COG1: variants seen among roughly 807,000 people sequenced by gnomAD.
The protein encoded by COG1 is component of oligomeric golgi complex 1.
COG1 carries 61 observed loss-of-function variants against 102.2 expected under a neutral mutation model. The observed-to-expected ratio is 0.60, with a 90% CI of 0.49 to 0.74. The LOEUF (loss-of-function observed/expected upper bound fraction) is 0.74, where lower values mean the gene tolerates loss of function less well. COG1 is among the 30% of genes least tolerant of loss of function. The pLI, the probability that COG1 is intolerant of heterozygous loss-of-function variation, is 0.00. For synonymous variants in COG1, 454 were observed against 493.6 expected (o/e 0.92, Z 1.06); for missense variants, 1,164 against 1,232.1 (o/e 0.94, Z 0.83).
chr17:73,200,668 CA>C lies in COG1; in HGVS notation c.1175del (p.Asn392MetfsTer26). 1.9e-6 allele frequency: 3 copies of C among 1,614,120 alleles called. No individual in the cohort carries two copies. Among genetic ancestry groups the C allele is most frequent in the Non-Finnish European group, 2.5e-6 (3 of 1,180,000 alleles). The part of the protein sequence containing the change: ...IRDAMWELLT[N>X]ESTNHSWDVL... Reference sequence around the variant, plus strand: ...GGGACGCCATGTGGGAGTTACTTACCAATGAGTCCACCAATCACAGCTGGGA... The same window carrying C: ...GGGACGCCATGTGGGAGTTACTTACCATGAGTCCACCAATCACAGCTGGGA... On this transcript the variant is annotated frameshift_variant, in exon 6 of 14. Coordinates refer to ENST00000299886, the MANE Select transcript of COG1 (RefSeq NM_018714.3). LOFTEE classifies it high-confidence loss of function.
rs2061348502 is a variant in COG1, at chr17:73,201,866, T to C, written c.2039T>C (p.Met680Thr). 1 of 1,614,214 alleles carries C rather than the reference T, an allele frequency of 6.2e-7. No individual in the cohort carries two copies. The highest frequency in any genetic ancestry group is 1.3e-5 in the African/African-American group (1 of 75,070). The change falls in exon 7 of 14, where the codon ATG (methionine) becomes ACG (threonine). Residue 680 changes from methionine (M) to threonine (T), a missense_variant. Transcript: ENST00000299886. ...GAAGTACTCCTCCAGCAGAGCGTGA[T>C]GGGCTACCAGGTCTGGAGCAGTGCA... is the stretch of plus-strand genomic sequence containing the variant. The part of the protein sequence containing the change: ...VKEVLLQQSV[M>T]GYQVWSSAVV...
intron 4 of COG1, among the ~76,000 whole-genome samples, chr17:73,197,826 G>C (rs1046918482): frequency 2.6e-5 from 4 of 152,212 alleles, no homozygotes; most frequent in African/African-American, 9.6e-5. Flanking sequence ...AGCCAGTGAG[G>C]CATTGGGTGA....
intron 5 of COG1, 52 bp downstream of exon 5, chr17:73,200,073 C>T: frequency 6.4e-7 from 1 of 1,571,522 alleles, no homozygotes; most frequent in Non-Finnish European, 8.7e-7. Context: ...ACCCATGCAG[C>T]CTTGTACGGG....
chr17:73,205,997 G>A (rs2061369744), intron 10 of COG1, 157 bp from the exon 11 acceptor site: 1 of 725,126 alleles, frequency 1.4e-6, no homozygotes, highest in Non-Finnish European at 2.4e-6. Flanking sequence ...CATCATGCTT[G>A]AGGGTGACTT....
In COG1 at chr17:73,199,869, G is replaced by A. The variant is rs766581270; in HGVS notation, c.918G>A (p.Lys306=). 2 of 1,614,160 alleles carry A rather than the reference G, an allele frequency of 1.2e-6. No homozygotes were observed. The highest frequency in any genetic ancestry group is 1.1e-5 in the South Asian group (1 of 91,078). ...CTCACTTGGCCTTCTCTTTAGGAAA[G>A]GGCACTGGTGTCCTGCAGGAAGAGA... ...ETITGQHPAG[K]GTGVLQEEMK... The change falls in exon 5 of 14, where the codon AAG becomes AAA. Residue 306 remains lysine, a synonymous_variant. Transcript: ENST00000299886.
intron 12 of COG1, 65 bp from the exon 13 acceptor site, chr17:73,207,116 G>GAAAAAAAAAAAA: frequency 1.2e-6 from 1 of 837,730 alleles, no homozygotes; most frequent in Non-Finnish European, 1.8e-6. Context: ...AAAAAAAAAT[G>GAAAAAAAAAAAA]AGGCTTCTGC....
At chr17:73,206,996 G>A in intron 12 of COG1, 179 bp downstream of exon 12, 1 of 705,760 alleles carries the variant, frequency 1.4e-6, no homozygotes, top group South Asian at 1.7e-5. Context: ...AGGAGGCTGA[G>A]GCAGGAGAAT....
At position 73,200,764 on chromosome 17, in the gene COG1, T is replaced by G; in HGVS notation, c.1269T>G (p.Leu423=). The G allele has an allele frequency of 6.2e-7, 1 of 1,614,084 alleles. No homozygotes were observed. Among genetic ancestry groups the G allele is most frequent in the Non-Finnish European group, 8.5e-7 (1 of 1,179,950 alleles). ...AAGATATGATGCAGCAACTGTTCCTTGACCGATTACAGGTGAGCTGGACAG... is the reference window on the plus strand; with the variant it reads ...AAGATATGATGCAGCAACTGTTCCTGGACCGATTACAGGTGAGCTGGACAG... ...FWEDMMQQLF[L]DRLQTLTKEG... is the part of the protein sequence containing the mutation. Residue 423 remains leucine (L), a synonymous_variant, in exon 6 of 14, where the codon CTT becomes CTG. Transcript: ENST00000299886.
Position 73,205,672 on chromosome 17 carries a change from A to G in COG1, c.2502A>G (p.Pro834=). The change falls in exon 10 of 14, where the codon CCA becomes CCG. Residue 834 remains proline (P), a synonymous_variant. Coordinates refer to ENST00000299886, the MANE Select transcript of COG1 (RefSeq NM_018714.3). The part of the protein sequence containing the change: ...GDEVKSGRSK[P]DSRIEKVTDH... ...AGGTGAAGAGTGGCCGGAGCAAGCC[A>G]GACTCCAGGTGTCGTATCCTCTAGG... The G allele has an allele frequency of 1.2e-6, 2 of 1,613,818 alleles. No homozygotes were observed. The highest frequency in any genetic ancestry group is 1.7e-6 in the Non-Finnish European group (2 of 1,180,022).
At chr17:73,205,423 C>A (rs1390904207) in intron 9 of COG1, 130 bp from the exon 10 acceptor site, 2 of 926,906 alleles carry the variant, frequency 2.2e-6, no homozygotes, top group Non-Finnish European at 3.5e-6. Flanking sequence ...ATTAAACTGG[C>A]CATATGAGCA....
chr17:73,208,259 T>C, intron 13 of COG1, 55 bp from the exon 14 acceptor site: 1 of 1,610,976 alleles, frequency 6.2e-7, no homozygotes, highest in Non-Finnish European at 8.5e-7. Flanking sequence ...GGAGGGCGAG[T>C]GGGCAGGAGG....
At chr17:73,203,591 T>C (rs1334193408) in intron 8 of COG1, 41 bp from the exon 9 acceptor site, 23 of 1,610,878 alleles carry the variant, frequency 1.4e-5, no homozygotes, top group Non-Finnish European at 2.0e-5. Flanking sequence ...TGTCATTTAA[T>C]TGGTGCAAGT....
chr17:73,196,839 C>T (rs1414547868), intron 2 of COG1, 61 bp from the exon 3 acceptor site: 8 of 1,613,382 alleles, frequency 5.0e-6, no homozygotes, highest in East Asian at 4.5e-5. Context: ...TCCTGATGTA[C>T]CAAAGCTCTT....
chr17:73,208,484 T>C lies in COG1; in HGVS notation c.*33T>C. Reference sequence around the variant, plus strand: ...ACACATCTGTCTCTCCCTAAATAAATACTACCACATTATTTCTTCTAAAGG... The same window carrying C: ...ACACATCTGTCTCTCCCTAAATAAACACTACCACATTATTTCTTCTAAAGG... On this transcript the variant is annotated 3_prime_UTR_variant, in exon 14 of 14. Transcript: ENST00000299886. 3 of 1,607,448 alleles carry C rather than the reference T, an allele frequency of 1.9e-6. No homozygotes were observed. Among genetic ancestry groups the C allele is most frequent in the African/African-American group, 1.3e-5 (1 of 74,916 alleles).
chr17:73,205,220 G>C (rs74489305), intron 9 of COG1: 28 of 316,624 alleles, frequency 8.8e-5, no homozygotes, highest in African/African-American at 6.1e-4. Context: ...CCTGATTTTG[G>C]AAAGAATTCA....
Position 73,201,682 on chromosome 17 carries a change from C to T in COG1, c.1855C>T (p.Gln619Ter). ...HSVLFMARLC[Q>*]SLGELCPHLK... is the part of the protein sequence containing the mutation. ...AGTTCTTTTCATGGCCAGACTCTGCCAGTCCCTGGGAGAGCTGTGCCCCCA... is the reference window on the plus strand; with the variant it reads ...AGTTCTTTTCATGGCCAGACTCTGCTAGTCCCTGGGAGAGCTGTGCCCCCA... The change falls in exon 7 of 14, where the codon CAG (glutamine) becomes TAG (stop). Residue 619 changes from glutamine (Q) to a stop codon, truncating the protein, a stop_gained. Coordinates refer to ENST00000299886, the MANE Select transcript of COG1 (RefSeq NM_018714.3). LOFTEE classifies it high-confidence loss of function. 2 of 1,614,196 alleles carry T rather than the reference C, an allele frequency of 1.2e-6. No homozygotes were observed. Among genetic ancestry groups the T allele is most frequent in the African/African-American group, 2.7e-5 (2 of 75,050 alleles).
Position 73,199,856 on chromosome 17 carries a change from T to G in COG1, c.914-9T>G. 1 of 1,614,158 alleles carries G rather than the reference T, an allele frequency of 6.2e-7. No individual in the cohort carries two copies. Among genetic ancestry groups the G allele is most frequent in the Non-Finnish European group, 8.5e-7 (1 of 1,180,040 alleles). On this transcript the variant is annotated splice_polypyrimidine_tract_variant and intron_variant, in intron 4 of 13. Transcript: ENST00000299886. ...GCCTAGATGGCTTCTCACTTGGCCT[T>G]CTCTTTAGGAAAGGGCACTGGTGTC...
At chr17:73,193,484 G>C in intron 1 of COG1, 100 bp downstream of exon 1, 2 of 1,232,054 alleles carry the variant, frequency 1.6e-6, no homozygotes, top group Non-Finnish European at 1.1e-6. Context: ...CAGACCCCGC[G>C]AGTCCTCACC....
At chr17:73,206,664 T>C in intron 11 of COG1, 44 bp from the exon 12 acceptor site, 1 of 1,352,726 alleles carries the variant, frequency 7.4e-7, no homozygotes, top group Non-Finnish European at 1.1e-6. Context: ...TTGCCTTTCT[T>C]TTACCTGCAC....
Sources: allele counts gnomAD v4.1 joint callset (sites outside exome capture counted in the v4.1 genomes callset), GRCh38; gene constraint gnomAD v4.1.1; transcripts MANE v1.5; gene names NCBI Gene and HGNC (gene_info 2026-07-23, HGNC 2026-07-21).